The following IL19 variants were observed in gnomAD, a reference collection of about 807,000 sequenced individuals.
The protein encoded by IL19 is interleukin-19.
In IL19, 15 loss-of-function variants were observed where a neutral mutation model predicts 19.5. The ratio of observed to expected loss-of-function variants is 0.77; its 90% CI spans 0.52 to 1.19. IL19 has a LOEUF of 1.19. IL19 is among the 50% of genes most tolerant of loss of function. The pLI, the probability that IL19 is intolerant of heterozygous loss-of-function variation, is 0.00. For synonymous variants in IL19, 78 were observed against 78.3 expected, an observed-to-expected ratio of 1.00 and a Z score of 0.02; for missense variants, 199 against 213.1, an observed-to-expected ratio of 0.93 and a Z score of 0.41.
At chr1:206,828,762 T>C (rs1676505976) in intron 2 of IL19, 1 of 152,228 alleles carries the variant, frequency 6.6e-6, no homozygotes, top group African/African-American at 2.4e-5. Flanking sequence ...TTATGATTTG[T>C]AATTTGTTGT....
At chr1:206,840,348 T>A in intron 5 of IL19, 1 of 401,312 alleles carries the variant, frequency 2.5e-6, no homozygotes, top group South Asian at 2.1e-5. Context: ...TTTACATCAA[T>A]AAACCTCTGG....
intron 2 of IL19, among the ~76,000 whole-genome samples, chr1:206,799,301 C>T (rs1558611519): frequency 6.6e-6 from 1 of 152,128 alleles, no homozygotes; most frequent in Non-Finnish European, 1.5e-5. Flanking sequence ...CTGGTCATGG[C>T]CCATTTCTTC....
rs567294586 is a variant in IL19 at position 206,828,716 on chromosome 1, T to C, written c.-2-7945T>C. ...GAGTTAAAGAATAAAGATTTTTTTT[T>C]CTGGATTTTGTGGTGTTTGTGGTAT... On this transcript the variant is annotated intron_variant, in intron 2 of 6. Transcript: ENST00000659997. Among the ~76,000 whole-genome samples the C allele has an allele frequency of 7.5e-4, 114 of 152,294 alleles. No individual in the cohort carries two copies. The Middle Eastern group carries it at 0.017, about 23-fold the overall frequency.
chr1:206,821,079 C>T (rs1676278533), intron 2 of IL19, among the ~76,000 whole-genome samples: 1 of 152,218 alleles, frequency 6.6e-6, no homozygotes, highest in South Asian at 2.1e-4. Flanking sequence ...AATGGATTAT[C>T]CTCTTTGTTT....
At chr1:206,779,430 C>G (rs994622600) in intron 1 of IL19, among the ~76,000 whole-genome samples, 2 of 152,110 alleles carry the variant, frequency 1.3e-5, no homozygotes, top group African/African-American at 4.8e-5. Context: ...TTTTATGCAC[C>G]CTTAACTTGT....
intron 1 of IL19, chr1:206,771,492 A>C: frequency 8.2e-7 from 1 of 1,222,372 alleles, no homozygotes; most frequent in South Asian, 1.3e-5. Context: ...ATGCCCTTTC[A>C]TTTAGAGATT....
intron 6 of IL19, 92 bp from the exon 7 acceptor site, chr1:206,842,435 A>C (rs558407166): frequency 1.3e-6 from 1 of 753,582 alleles, no homozygotes; most frequent in African/African-American, 1.8e-5. Flanking sequence ...AACAGAAACA[A>C]AACCTTGTGG....
intron 1 of IL19, among the ~76,000 whole-genome samples, chr1:206,797,180 C>T (rs868562754): frequency 6.6e-5 from 10 of 152,252 alleles, no homozygotes; most frequent in African/African-American, 1.4e-4. Context: ...GTCACTTGTC[C>T]GGGGTCATAG....
At chr1:206,826,903 A>G (rs1306741548) in intron 2 of IL19, among the ~76,000 whole-genome samples, 3 of 152,320 alleles carry the variant, frequency 2.0e-5, no homozygotes, top group South Asian at 4.1e-4. Flanking sequence ...TGGAAAGAGC[A>G]CTGGACTGAG....
intron 2 of IL19, among the ~76,000 whole-genome samples, chr1:206,822,958 C>T (rs1345731620): frequency 1.3e-5 from 2 of 151,826 alleles, no homozygotes; most frequent in Admixed American, 1.3e-4. Context: ...GAAATGAAGT[C>T]TCACTCTGTT....
In IL19 at chr1:206,836,743, A is replaced by T; in HGVS notation, c.81A>T (p.Arg27Ser). 6.2e-7 allele frequency: 1 copy of T among 1,613,944 alleles called. No individual in the cohort carries two copies. The highest frequency in any genetic ancestry group is 1.1e-5 in the South Asian group (1 of 91,058). Residue 27 changes from arginine (R) to serine (S), a missense_variant, in exon 3 of 7, where the codon AGA (arginine) becomes AGT (serine). Arg to Ser is a moderately radical substitution (Grantham distance 110, BLOSUM62 -1). Transcript: ENST00000659997. The part of the protein sequence containing the change: ...LCSVDNHGLR[R>S]CLISTDMHHI... ...CAGTAGACAACCACGGTCTCAGGAG[A>T]TGTCTGATTTCCACAGACATGCACC...
chr1:206,820,208 C>A (rs745336837), intron 2 of IL19, among the ~76,000 whole-genome samples: 11 of 152,204 alleles, frequency 7.2e-5, no homozygotes, highest in Non-Finnish European at 1.6e-4. Flanking sequence ...TAAACTTCAT[C>A]TGAGTGATCG....
chr1:206,840,132 GGGAGAAC>G, intron 5 of IL19, 130 bp downstream of exon 5: 5 of 1,050,946 alleles, frequency 4.8e-6, no homozygotes, highest in South Asian at 1.3e-5. Context: ...CACGTCCACA[GGGAGAAC>G]TGTGGAGAAC....
chr1:206,841,947 G>A (rs531785804), intron 6 of IL19, among the ~76,000 whole-genome samples: 1 of 152,292 alleles, frequency 6.6e-6, no homozygotes, highest in South Asian at 2.1e-4. Context: ...TTCCACGCTG[G>A]CTGGCTCTAC....
chr1:206,838,914 A>G (rs1446104902), intron 4 of IL19, among the ~76,000 whole-genome samples: 1 of 152,158 alleles, frequency 6.6e-6, no homozygotes, highest in Non-Finnish European at 1.5e-5. Flanking sequence ...CCTTCTGGTT[A>G]AGAGAATCAG....
At chr1:206,790,286 GA>G (rs1486252293) in intron 1 of IL19, among the ~76,000 whole-genome samples, 2 of 152,018 alleles carry the variant, frequency 1.3e-5, no homozygotes, top group East Asian at 3.8e-4. Context: ...TTAAAAGGCT[GA>G]AAAATGTCAT....
At chr1:206,785,718 A>AT (rs957488441) in intron 1 of IL19, among the ~76,000 whole-genome samples, 40 of 152,366 alleles carry the variant, frequency 2.6e-4, no homozygotes, top group African/African-American at 9.4e-4. Context: ...GGCTGTTCAT[A>AT]TGTCCAGTAG....
In IL19 at chr1:206,797,135, T is replaced by A. The variant is rs905682684; in HGVS notation, c.-148-1726T>A. On this transcript the variant is annotated intron_variant, in intron 1 of 6. Coordinates refer to ENST00000659997, the MANE Select transcript of IL19 (RefSeq NM_153758.5). ...GTAGAGACTTTGCTGCGGGACAGGA[T>A]GTGAACATCCTTGGCTTTTGCATGG... 3.3e-5 allele frequency among the ~76,000 whole-genome samples: 5 copies of A among 152,206 alleles called. No homozygotes were observed. The East Asian group carries it at 9.6e-4, about 29-fold the overall frequency.
intron 1 of IL19, among the ~76,000 whole-genome samples, chr1:206,777,713 C>T (rs1675044283): frequency 6.6e-6 from 1 of 152,246 alleles, no homozygotes; most frequent in African/African-American, 2.4e-5. Context: ...TGGGTGACAA[C>T]TGTCCTGATG....
Sources: gnomAD v4.1 joint callset for allele counts (sites outside exome capture counted in the v4.1 genomes callset) on GRCh38, gnomAD v4.1.1 for gene constraint, MANE v1.5 for transcripts, NCBI Gene and HGNC (gene_info 2026-07-23, HGNC 2026-07-21) for gene names.